Variants in LMO7 observed in about 807,000 individuals in gnomAD.
LMO7 encodes the protein LIM domain 7, also known as LIM domain only protein 7.
A neutral mutation model predicts 206.5 loss-of-function variants in LMO7; 120 were observed. The ratio of observed to expected loss-of-function variants is 0.58; its 90% CI spans 0.50 to 0.68. The LOEUF is 0.68. Among genes scored for constraint, LMO7 ranks in the 30% least tolerant of loss-of-function variants. The probability of loss-of-function intolerance (pLI) is 0.00; values close to 1 mark genes in which losing one functional copy is unlikely to be tolerated. For synonymous variants in LMO7, 706 were observed against 681.5 expected (o/e 1.04, Z -0.56); for missense variants, 1,959 against 1,957.9 (o/e 1.00, Z -0.01).
intron 4 of LMO7, among the ~76,000 whole-genome samples, chr13:75,764,667 G>A (rs2048625102): frequency 6.6e-6 from 1 of 152,094 alleles, no homozygotes; most frequent in Non-Finnish European, 1.5e-5. Context: ...TTAAACCATT[G>A]CTCTATATAT....
Position 75,733,331 on chromosome 13 carries a change from C to T in LMO7, c.210+6233C>T, listed in dbSNP as rs184945731. Among the ~76,000 whole-genome samples the T allele has an allele frequency of 7.8e-3, 1,194 of 152,328 alleles. 11 individuals carry two copies. The highest frequency in any genetic ancestry group is 0.011 in the South Asian group (55 of 4,832). ...TTACCTAAGCAAGCCTGGGCAATGG[C>T]GGGCGCCCCTCCCCCAGCCTCACTG... On this transcript the variant is annotated intron_variant, in intron 3 of 30. Coordinates refer to ENST00000377534, the MANE Select transcript of LMO7 (RefSeq NM_001306080.2).
At position 75,841,141 on chromosome 13, in the gene LMO7, G is replaced by C; in HGVS notation, c.3615G>C (p.Arg1205Ser). Reference protein sequence around the residue: ...EKYQREQEKLREEWQRAKQEA... With the variant: ...EKYQREQEKLSEEWQRAKQEA... ...ATCAACGTGAGCAGGAGAAACTGAG[G>C]GAAGAGTGGCAAAGGGCCAAACAGG... The change falls in exon 23 of 31, where the codon AGG becomes AGC. Residue 1205 changes from arginine to serine, a missense_variant. Coordinates refer to ENST00000377534, the MANE Select transcript of LMO7 (RefSeq NM_001306080.2). The C allele has an allele frequency of 6.2e-7, 1 of 1,613,270 alleles. No individual in the cohort carries two copies. The highest frequency in any genetic ancestry group is 8.5e-7 in the Non-Finnish European group (1 of 1,179,344).
intron 1 of LMO7, among the ~76,000 whole-genome samples, chr13:75,706,170 T>C (rs2042633957): frequency 6.6e-6 from 1 of 152,164 alleles, no homozygotes; most frequent in African/African-American, 2.4e-5. Flanking sequence ...GAATTGCAGG[T>C]AGAAAGTGGC....
chr13:75,658,565 T>A (rs909194153), intron 1 of LMO7, among the ~76,000 whole-genome samples: 1 of 152,124 alleles, frequency 6.6e-6, no homozygotes, highest in African/African-American at 2.4e-5. Flanking sequence ...CTGAATGGTA[T>A]CTTATTCAAC....
At chr13:75,651,096 G>C (rs1329098131) in intron 1 of LMO7, among the ~76,000 whole-genome samples, 1 of 152,122 alleles carries the variant, frequency 6.6e-6, no homozygotes, top group African/African-American at 2.4e-5. Context: ...AGTCTTGAAA[G>C]GTATAACTTG....
At chr13:75,660,545 A>G (rs1221114244) in intron 1 of LMO7, among the ~76,000 whole-genome samples, 2 of 151,990 alleles carry the variant, frequency 1.3e-5, no homozygotes, top group African/African-American at 2.4e-5. Context: ...TGGCTGGCTG[A>G]TGGGGTGCAG....
rs769898967 is a variant in LMO7, at chr13:75,838,115, T to C, written c.3395-25T>C. ...TGGTGAGAAATAAAAATGAATGACA[T>C]AGTGTTTATTTTTTTTTCAACTAGC... On this transcript the variant is annotated intron_variant, in intron 19 of 30. Transcript: ENST00000377534. 4 of 1,364,362 alleles carry C rather than the reference T, an allele frequency of 2.9e-6. No homozygotes were observed. In the African/African-American group the frequency reaches 4.3e-5, roughly 15 times the overall value. 84.5% of individuals were successfully genotyped at this position (1,364,362 alleles called of 1,614,324 possible).
intron 1 of LMO7, among the ~76,000 whole-genome samples, chr13:75,659,968 G>A (rs1661726228): frequency 6.6e-6 from 1 of 151,958 alleles, no homozygotes; most frequent in East Asian, 1.9e-4. Context: ...TTTAGTCTGG[G>A]ACATATTTCA....
At chr13:75,779,545 G>A (rs1253353755) in intron 4 of LMO7, among the ~76,000 whole-genome samples, 4 of 152,164 alleles carry the variant, frequency 2.6e-5, no homozygotes, top group African/African-American at 9.7e-5. Flanking sequence ...TTCATTTGAA[G>A]CCTGTCACTT....
chr13:75,642,062 A>C (rs2036591799), intron 1 of LMO7, among the ~76,000 whole-genome samples: 1 of 152,332 alleles, frequency 6.6e-6, no homozygotes, highest in South Asian at 2.1e-4. Context: ...GCAAGAGATG[A>C]GGGAATTAAT....
chr13:75,633,075 G>C (rs1030742898), upstream of LMO7, among the ~76,000 whole-genome samples: 3 of 151,780 alleles, frequency 2.0e-5, no homozygotes, highest in African/African-American at 7.3e-5. Context: ...ATGTCGGCCA[G>C]GCTGGTCTTG....
At chr13:75,795,679 G>C (rs1343985853) in intron 5 of LMO7, among the ~76,000 whole-genome samples, 1 of 152,186 alleles carries the variant, frequency 6.6e-6, no homozygotes, top group Non-Finnish European at 1.5e-5. Context: ...AGTTTGCTGA[G>C]GATAATGGCT....
Position 75,853,118 on chromosome 13 carries a change from C to T in LMO7, c.4391C>T (p.Ser1464Phe). 19 of 1,610,338 alleles carry T rather than the reference C, an allele frequency of 1.2e-5. No individual in the cohort carries two copies. Among genetic ancestry groups the T allele is most frequent in the Non-Finnish European group, 1.6e-5 (19 of 1,177,826 alleles). ...GGCGAATCTTTAGATAACCTGGACT[C>T]CCCCCGATCCAATTCTTGGAGACAG... is the stretch of plus-strand genomic sequence containing the variant. ...RRGESLDNLD[S>F]PRSNSWRQPP... is the part of the protein sequence containing the mutation. Residue 1464 changes from serine to phenylalanine, a missense_variant, in exon 28 of 31, where the codon TCC (serine) becomes TTC (phenylalanine). Physicochemically the swap from Ser to Phe is radical, Grantham distance 155. Transcript: ENST00000377534.
intron 1 of LMO7, among the ~76,000 whole-genome samples, chr13:75,679,152 A>G (rs1204148388): frequency 1.3e-5 from 2 of 152,206 alleles, no homozygotes; most frequent in African/African-American, 4.8e-5. Flanking sequence ...AGCACCTTGT[A>G]TATAAGAAAC....
chr13:75,653,516 C>T (rs945089552), intron 1 of LMO7, among the ~76,000 whole-genome samples: 1 of 152,098 alleles, frequency 6.6e-6, no homozygotes, highest in African/African-American at 2.4e-5. Flanking sequence ...TTGATGATAG[C>T]CCAGTAGAAA....
chr13:75,760,907 A>C lies in LMO7; in HGVS notation c.211-25A>C, dbSNP rs749406571. On this transcript the variant is annotated intron_variant, in intron 3 of 30. Coordinates refer to ENST00000377534, the MANE Select transcript of LMO7 (RefSeq NM_001306080.2). ...TGTCTGAGAGAGAGCTCAGCTAAGC[A>C]ATCACTTTCCACTTCTTTTCACAGG... 2.4e-5 allele frequency: 38 copies of C among 1,612,460 alleles called. No homozygotes were observed. In the Middle Eastern group the frequency reaches 1.3e-3, roughly 56 times the overall value.
chr13:75,669,775 G>T (rs1451246908), intron 1 of LMO7, among the ~76,000 whole-genome samples: 1 of 152,110 alleles, frequency 6.6e-6, no homozygotes, highest in African/African-American at 2.4e-5. Flanking sequence ...TGAGAATAGG[G>T]ACTTATTTTT....
chr13:75,713,342 C>A, intron 2 of LMO7, 90 bp downstream of exon 2: 1 of 807,898 alleles, frequency 1.2e-6, no homozygotes, highest in Non-Finnish European at 2.0e-6. Context: ...CCATGGCCAC[C>A]GTAGTCACAG....
intron 4 of LMO7, among the ~76,000 whole-genome samples, chr13:75,780,231 C>T (rs980863074): frequency 3.3e-5 from 5 of 152,138 alleles, no homozygotes; most frequent in Non-Finnish European, 5.9e-5. Flanking sequence ...ACTAGAATTT[C>T]GCCAGGCTGG....
Sources: gnomAD v4.1 joint callset for allele counts (sites outside exome capture counted in the v4.1 genomes callset) on GRCh38, gnomAD v4.1.1 for gene constraint, MANE v1.5 for transcripts, NCBI Gene and HGNC (gene_info 2026-07-23, HGNC 2026-07-21) for gene names.